The following NNMT variants were observed in gnomAD, a reference collection of about 807,000 sequenced individuals.
NNMT encodes the protein nicotinamide N-methyltransferase.
NNMT carries 10 observed loss-of-function variants against 11.7 expected under a neutral mutation model. The ratio of observed to expected loss-of-function variants is 0.85; its 90% CI spans 0.53 to 1.45. The LOEUF (loss-of-function observed/expected upper bound fraction) is 1.45, where lower values mean the gene tolerates loss of function less well. Among genes scored for constraint, NNMT ranks in the 40% most tolerant of loss-of-function variants. The pLI is 0.00. For missense variants in NNMT, 381 were observed against 319.4 expected (o/e 1.19, Z -1.47); for synonymous variants, 143 against 133.8 (o/e 1.07, Z -0.48).
At position 114,312,352 on chromosome 11, in the gene NNMT, G is replaced by A; in HGVS notation, c.670G>A (p.Ala224Thr). The A allele has an allele frequency of 6.2e-7, 1 of 1,614,250 alleles. No homozygotes were observed. The highest frequency in any genetic ancestry group is 8.5e-7 in the Non-Finnish European group (1 of 1,180,046). Residue 224 changes from alanine (A) to threonine (T), a missense_variant, in exon 3 of 3, where the codon GCT (alanine) becomes ACT (threonine). Ala to Thr is a moderately conservative substitution (Grantham distance 58). Transcript: ENST00000299964. ...CCTGGGCCGGGAGGCAGTAGAGGCT[G>A]CTGTGAAAGAGGCTGGCTACACAAT... is the stretch of plus-strand genomic sequence containing the variant. The part of the protein sequence containing the change: ...LPLGREAVEA[A>T]VKEAGYTIEW...
intron 2 of NNMT, among the ~76,000 whole-genome samples, chr11:114,306,510 T>C (rs1212504250): frequency 6.6e-6 from 1 of 152,206 alleles, no homozygotes; most frequent in Non-Finnish European, 1.5e-5. Context: ...TAATCCATCT[T>C]GAATTAATTT....
chr11:114,269,055 T>A (rs1945147794), intron 2 of NNMT, among the ~76,000 whole-genome samples: 1 of 151,904 alleles, frequency 6.6e-6, no homozygotes, highest in African/African-American at 2.4e-5. Context: ...TTTTCACACA[T>A]TTTAAAAAAA....
intron 2 of NNMT, among the ~76,000 whole-genome samples, chr11:114,279,149 G>C (rs778509096): frequency 1.3e-5 from 2 of 152,182 alleles, no homozygotes; most frequent in African/African-American, 2.4e-5. Context: ...GGCCCAGTGT[G>C]AGTAGGTATT....
chr11:114,289,046 G>T lies in NNMT; in HGVS notation c.-129-7382G>T, dbSNP rs530111361. 4.7e-4 allele frequency among the ~76,000 whole-genome samples: 71 copies of T among 152,238 alleles called. No homozygotes were observed. In the South Asian group the frequency reaches 0.014, roughly 30 times the overall value. ...GTAGAATTCACTGGTAAAGCCATCT[G>T]CTCTGAAGATTTTGTATGAAACTAA... On this transcript the variant is annotated intron_variant, in intron 2 of 4. Coordinates refer to the NNMT transcript ENST00000535401.
chr11:114,271,463 A>G (rs1044437903), intron 2 of NNMT, among the ~76,000 whole-genome samples: 1 of 152,186 alleles, frequency 6.6e-6, no homozygotes, highest in African/African-American at 2.4e-5. Context: ...TGAAGAAGAA[A>G]TTCAGTGCAG....
intron 2 of NNMT, among the ~76,000 whole-genome samples, chr11:114,298,494 G>T (rs914766982): frequency 6.6e-6 from 1 of 152,166 alleles, no homozygotes; most frequent in Non-Finnish European, 1.5e-5. Context: ...TAGGACAGCT[G>T]CAAGTAAAAG....
At position 114,312,151 on chromosome 11, in the gene NNMT, G is replaced by A. The variant is rs1565729981; in HGVS notation, c.469G>A (p.Ala157Thr). 1.9e-6 allele frequency: 3 copies of A among 1,614,136 alleles called. No individual in the cohort carries two copies. Among genetic ancestry groups the A allele is most frequent in the Admixed American group, 1.7e-5 (1 of 60,030 alleles). The change falls in exon 3 of 3, where the codon GCT (alanine) becomes ACT (threonine). Residue 157 changes from alanine (A) to threonine (T), a missense_variant. By Grantham distance (58) the Ala-to-Thr change is moderately conservative. Coordinates refer to ENST00000299964, the MANE Select transcript of NNMT (RefSeq NM_006169.3). ...QPLGAVPLPP[A>T]DCVLSTLCLD... is the part of the protein sequence containing the mutation. ...ACTGGGGGCCGTCCCCTTACCCCCG[G>A]CTGACTGCGTGCTCAGCACACTGTG...
At chr11:114,312,017 AC>A in intron 2 of NNMT, 27 bp from the exon 3 acceptor site, 1 of 1,528,460 alleles carries the variant, frequency 6.5e-7, no homozygotes, top group Non-Finnish European at 8.8e-7. Flanking sequence ...GGAGTGGAAA[AC>A]AATGTCTGTG....
At chr11:114,275,870 T>A (rs565782179) in intron 2 of NNMT, among the ~76,000 whole-genome samples, 6 of 152,044 alleles carry the variant, frequency 3.9e-5, no homozygotes, top group Non-Finnish European at 8.8e-5. Flanking sequence ...CCTGCAAGTG[T>A]GTGTATGAGA....
At chr11:114,282,352 G>A (rs1287211339) in intron 2 of NNMT, among the ~76,000 whole-genome samples, 1 of 152,174 alleles carries the variant, frequency 6.6e-6, no homozygotes, top group Non-Finnish European at 1.5e-5. Context: ...AATATTTACA[G>A]TGAATAAAAC....
chr11:114,264,633 T>TTC, intron 2 of NNMT, among the ~76,000 whole-genome samples: 1 of 152,224 alleles, frequency 6.6e-6, no homozygotes, highest in South Asian at 2.1e-4. Flanking sequence ...GGTTAAGGGT[T>TTC]CAGTCCCACA....
chr11:114,272,346 A>G (rs1255048642), intron 2 of NNMT, among the ~76,000 whole-genome samples: 1 of 152,174 alleles, frequency 6.6e-6, no homozygotes, highest in Non-Finnish European at 1.5e-5. Flanking sequence ...TCAACCTTGC[A>G]GGAGGTCTGT....
chr11:114,303,811 AG>A (rs1565727871), intron 2 of NNMT, among the ~76,000 whole-genome samples: 1 of 152,134 alleles, frequency 6.6e-6, no homozygotes, highest in East Asian at 1.9e-4. Flanking sequence ...TCCTGGGCTC[AG>A]GTGATTTCCC....
chr11:114,293,134 T>A, upstream of NNMT, among the ~76,000 whole-genome samples: 1 of 152,154 alleles, frequency 6.6e-6, no homozygotes, highest in Non-Finnish European at 1.5e-5. Context: ...TGTGCTCCAT[T>A]ACTAGGGCAG....
upstream of NNMT, among the ~76,000 whole-genome samples, chr11:114,294,883 G>A (rs1945361169): frequency 1.3e-5 from 2 of 152,182 alleles, no homozygotes; most frequent in African/African-American, 4.8e-5. Context: ...GGCTCTCAGT[G>A]TATAGAAATT....
At chr11:114,276,950 G>A (rs1945217655) in intron 2 of NNMT, among the ~76,000 whole-genome samples, 1 of 152,202 alleles carries the variant, frequency 6.6e-6, no homozygotes, top group African/African-American at 2.4e-5. Context: ...ATTGCCAGGT[G>A]CAGTGGCTCA....
At chr11:114,283,261 C>T (rs1945274873) in intron 2 of NNMT, among the ~76,000 whole-genome samples, 2 of 152,162 alleles carry the variant, frequency 1.3e-5, no homozygotes, top group African/African-American at 4.8e-5. Flanking sequence ...TGGAAACAAT[C>T]TGGGTATCTG....
rs139308303 is a variant in NNMT at position 114,297,953 on chromosome 11, G to A, written c.157G>A (p.Gly53Ser). 445 of 1,612,442 alleles carry A rather than the reference G, an allele frequency of 2.8e-4. No homozygotes were observed. In the African/African-American group the frequency reaches 3.6e-3, roughly 13 times the overall value. Residue 53 changes from glycine (G) to serine (S), a missense_variant and splice_region_variant, in exon 2 of 3, where the codon GGT becomes AGT. Physicochemically the swap from Gly to Ser is moderately conservative, Grantham distance 56. Coordinates refer to ENST00000299964, the MANE Select transcript of NNMT (RefSeq NM_006169.3). ...KNLFKIFCLD[G>S]VKGDLLIDIG... ...CTTTGTTCCTCCCACTAATCCAGAC[G>A]GTGTGAAGGGAGACCTGCTGATTGA...
Position 114,296,696 on chromosome 11 carries a change from A to G in NNMT, c.140A>G (p.Lys47Arg). Residue 47 changes from lysine to arginine, a missense_variant, in exon 1 of 3, where the codon AAG becomes AGG. Coordinates refer to ENST00000299964, the MANE Select transcript of NNMT (RefSeq NM_006169.3). ...ILKHLLKNLF[K>R]IFCLDGVKGD... Reference sequence around the variant, plus strand: ...AAGCACCTTCTGAAAAATCTTTTCAAGATATTCTGCCTAGGTAAGTCTGTT... The same window carrying G: ...AAGCACCTTCTGAAAAATCTTTTCAGGATATTCTGCCTAGGTAAGTCTGTT... 1.2e-6 allele frequency: 2 copies of G among 1,614,218 alleles called. No individual in the cohort carries two copies. Among genetic ancestry groups the G allele is most frequent in the Non-Finnish European group, 1.7e-6 (2 of 1,180,016 alleles).
Sources: gnomAD v4.1 joint callset for allele counts (sites outside exome capture counted in the v4.1 genomes callset) on GRCh38, gnomAD v4.1.1 for gene constraint, MANE v1.5 for transcripts, NCBI Gene and HGNC (gene_info 2026-07-23, HGNC 2026-07-21) for gene names.